Variants in GALNTL6 observed in about 807,000 individuals in gnomAD.
GALNTL6 encodes polypeptide N-acetylgalactosaminyltransferase like 6.
Under a neutral mutation model 73.7 loss-of-function variants are expected in GALNTL6, and 46 were observed. That is an observed-to-expected ratio of 0.62 (90% CI 0.49 to 0.80). The LOEUF (loss-of-function observed/expected upper bound fraction) is 0.80. Among genes scored for constraint, GALNTL6 ranks in the 30% least tolerant of loss-of-function variants. GALNTL6 has a pLI of 0.00. For missense variants in GALNTL6, 604 were observed against 755.0 expected (o/e 0.80, Z 2.34); for synonymous variants, 259 against 263.7 (o/e 0.98, Z 0.17).
At chr4:172,744,726 C>A (rs985860561) in intron 5 of GALNTL6, among the ~76,000 whole-genome samples, 1 of 152,076 alleles carries the variant, frequency 6.6e-6, no homozygotes, top group Non-Finnish European at 1.5e-5. Context: ...AGACTTATCT[C>A]TCAGTTGGCC....
intron 2 of GALNTL6, among the ~76,000 whole-genome samples, chr4:171,879,454 A>G (rs1307067713): frequency 6.6e-6 from 1 of 152,172 alleles, no homozygotes; most frequent in Non-Finnish European, 1.5e-5. Context: ...AGAAGACGGC[A>G]TTAAAAAGTC....
At chr4:172,922,756 T>A (rs1328090093) in intron 8 of GALNTL6, among the ~76,000 whole-genome samples, 1 of 152,236 alleles carries the variant, frequency 6.6e-6, no homozygotes, top group African/African-American at 2.4e-5. Flanking sequence ...TTCTATGTGC[T>A]GAACCCTTCA....
At chr4:172,517,693 C>CAGCTCTTCTAGTTGAAATA (rs1428586651) in intron 5 of GALNTL6, among the ~76,000 whole-genome samples, 2 of 152,056 alleles carry the variant, frequency 1.3e-5, no homozygotes, top group Non-Finnish European at 2.9e-5. Context: ...TGAGTCATCT[C>CAGCTCTTCTAGTTGAAATA]AGCTCTTCTA....
At chr4:172,862,916 C>T (rs928819623) in intron 7 of GALNTL6, among the ~76,000 whole-genome samples, 1 of 152,206 alleles carries the variant, frequency 6.6e-6, no homozygotes, top group African/African-American at 2.4e-5. Flanking sequence ...GCCCAGGGCC[C>T]CCTGCTATGT....
At chr4:171,967,979 G>A (rs1453136426) in intron 2 of GALNTL6, among the ~76,000 whole-genome samples, 1 of 152,110 alleles carries the variant, frequency 6.6e-6, no homozygotes, top group African/African-American at 2.4e-5. Flanking sequence ...GAACAGTAGT[G>A]TGTGCACACA....
chr4:172,508,835 A>T, intron 5 of GALNTL6, among the ~76,000 whole-genome samples: 1 of 37,702 alleles, frequency 2.7e-5, no homozygotes, highest in Non-Finnish European at 5.9e-5. Context: ...CTGGCTCCAT[A>T]TTTTGCAATT....
At chr4:171,867,589 A>G (rs945342426) in intron 2 of GALNTL6, among the ~76,000 whole-genome samples, 5 of 152,192 alleles carry the variant, frequency 3.3e-5, no homozygotes, top group Non-Finnish European at 7.3e-5. Context: ...ACATCTGTGC[A>G]CAGCTATTCA....
intron 5 of GALNTL6, among the ~76,000 whole-genome samples, chr4:172,455,740 C>T (rs896612356): frequency 7.2e-5 from 11 of 152,288 alleles, no homozygotes; most frequent in Admixed American, 2.0e-4. Flanking sequence ...TGGGACAGAG[C>T]GCCTAGGGGA....
intron 4 of GALNTL6, among the ~76,000 whole-genome samples, chr4:172,342,505 T>C (rs928278429): frequency 6.6e-6 from 1 of 151,840 alleles, no homozygotes; most frequent in Admixed American, 6.6e-5. Flanking sequence ...TGTAAAATAA[T>C]TTATGTTTAA....
chr4:172,402,251 G>A (rs1361895296), intron 5 of GALNTL6, among the ~76,000 whole-genome samples: 1 of 152,088 alleles, frequency 6.6e-6, no homozygotes, highest in African/African-American at 2.4e-5. Flanking sequence ...ACACTGTGAT[G>A]TTGTCCCTGT....
rs141873989 is a variant in GALNTL6 at position 172,700,242 on chromosome 4, T to C, written c.554-109119T>C. The stretch of plus-strand genomic sequence containing the variant: ...TGTTTGACTTTATTCTGGGTCAAAG[T>C]AATTGGGTTTCTCCTTTAAATGTGA... On this transcript the variant is annotated intron_variant, in intron 5 of 12. Coordinates refer to ENST00000506823, the MANE Select transcript of GALNTL6 (RefSeq NM_001034845.3). 4.4e-3 allele frequency among the ~76,000 whole-genome samples: 666 copies of C among 152,252 alleles called. 7 individuals carry two copies. Among genetic ancestry groups the C allele is most frequent in the African/African-American group, 0.015 (618 of 41,550 alleles).
At chr4:171,963,710 G>A (rs1055977347) in intron 2 of GALNTL6, among the ~76,000 whole-genome samples, 1 of 152,046 alleles carries the variant, frequency 6.6e-6, no homozygotes, top group African/African-American at 2.4e-5. Flanking sequence ...CCCAGCTTTA[G>A]CACCAATAGC....
At position 172,566,449 on chromosome 4, in the gene GALNTL6, A is replaced by G. The variant is rs186503677; in HGVS notation, c.553+217760A>G. On this transcript the variant is annotated intron_variant, in intron 5 of 12. Transcript: ENST00000506823. Reference sequence around the variant, plus strand: ...CACACTCATGAACAACCAATGGATCAGAAAAGAAATCAAAATGGAAATTTA... The same window carrying G: ...CACACTCATGAACAACCAATGGATCGGAAAAGAAATCAAAATGGAAATTTA... 2.6e-5 allele frequency among the ~76,000 whole-genome samples: 4 copies of G among 152,336 alleles called. No homozygotes were observed. The East Asian group carries it at 5.8e-4, about 22-fold the overall frequency.
chr4:172,998,320 T>C (rs1048675554), intron 10 of GALNTL6, among the ~76,000 whole-genome samples: 1 of 152,188 alleles, frequency 6.6e-6, no homozygotes, highest in African/African-American at 2.4e-5. Flanking sequence ...CACAAAAGCA[T>C]TCCTAGTATG....
intron 2 of GALNTL6, among the ~76,000 whole-genome samples, chr4:171,825,777 A>G (rs1461772352): frequency 6.6e-6 from 1 of 152,142 alleles, no homozygotes; most frequent in Non-Finnish European, 1.5e-5. Flanking sequence ...GATTGGATCA[A>G]TTATTAGCCC....
chr4:172,953,032 TA>T, intron 10 of GALNTL6, among the ~76,000 whole-genome samples: 1 of 152,320 alleles, frequency 6.6e-6, no homozygotes, highest in Non-Finnish European at 1.5e-5. Flanking sequence ...CCCTCCAGGC[TA>T]TGCTATGCAG....
At chr4:172,426,455 C>T (rs1731231591) in intron 5 of GALNTL6, among the ~76,000 whole-genome samples, 1 of 152,064 alleles carries the variant, frequency 6.6e-6, no homozygotes, top group Admixed American at 6.6e-5. Flanking sequence ...TGGCTTTCAG[C>T]TTTCATCCAG....
intron 5 of GALNTL6, among the ~76,000 whole-genome samples, chr4:172,538,180 G>A (rs903320058): frequency 1.3e-5 from 2 of 152,112 alleles, no homozygotes; most frequent in African/African-American, 2.4e-5. Flanking sequence ...TCAAACCATG[G>A]CCAGGCATGG....
At chr4:172,755,213 G>A (rs1015542306) in intron 5 of GALNTL6, among the ~76,000 whole-genome samples, 11 of 137,600 alleles carry the variant, frequency 8.0e-5, no homozygotes, top group Non-Finnish European at 1.4e-4. Flanking sequence ...GAAGCCATAA[G>A]ATAAGAGATA....
Sources: allele counts gnomAD v4.1 joint callset (sites outside exome capture counted in the v4.1 genomes callset), GRCh38; gene constraint gnomAD v4.1.1; transcripts MANE v1.5; gene names NCBI Gene and HGNC (gene_info 2026-07-23, HGNC 2026-07-21).